Variants in ZNF613 observed in about 807,000 individuals in gnomAD.
ZNF613 encodes zinc finger protein 613.
In ZNF613, 8 loss-of-function variants were observed where a neutral mutation model predicts 14.3. The observed-to-expected ratio is 0.56, with a 90% CI of 0.33 to 1.01. ZNF613 has a LOEUF of 1.01. ZNF613 is among the 50% of genes least tolerant of loss of function. The pLI, the probability that ZNF613 is intolerant of heterozygous loss-of-function variation, is 0.03. For synonymous variants in ZNF613, 228 were observed against 254.5 expected (o/e 0.90, Z 0.99); for missense variants, 656 against 741.9 (o/e 0.88, Z 1.35).
In ZNF613 at chr19:51,945,953, A is replaced by G. The variant is rs971965322; in HGVS notation, c.*216A>G. ...TAGATCTTCTCATCAGTGACCATAG[A>G]TCACATCTTCAGTGAGCTTATAGTT... On this transcript the variant is annotated 3_prime_UTR_variant, in exon 6 of 6. Transcript: ENST00000293471. 8.8e-6 allele frequency: 5 copies of G among 570,830 alleles called. No homozygotes were observed. Among genetic ancestry groups the G allele is most frequent in the South Asian group, 2.0e-5 (1 of 48,860 alleles). 35.4% of individuals were successfully genotyped at this position (570,830 alleles called of 1,614,324 possible). A position where few individuals can be genotyped will look rare whatever the true frequency, so the allele number is the denominator to read the frequency against.
intron 3 of ZNF613, among the ~76,000 whole-genome samples, chr19:51,937,725 C>CTTTTT (rs557250619): frequency 2.9e-4 from 31 of 105,216 alleles, no homozygotes; most frequent in African/African-American, 4.0e-4. Flanking sequence ...TGTCTTTTTT[C>CTTTTT]TTTTTTTTTT....
chr19:51,930,633 G>A (rs897391755), intron 2 of ZNF613, among the ~76,000 whole-genome samples: 1 of 152,148 alleles, frequency 6.6e-6, no homozygotes, highest in African/African-American at 2.4e-5. Flanking sequence ...TTTTATGCCA[G>A]AATAGTATTT....
chr19:51,937,796 C>T (rs1415915461), intron 3 of ZNF613, among the ~76,000 whole-genome samples: 5 of 137,668 alleles, frequency 3.6e-5, no homozygotes, highest in Non-Finnish European at 7.6e-5. Flanking sequence ...GTAGTGCCAT[C>T]TTGGCCTACC....
chr19:51,936,557 TG>T (rs1164064308), intron 3 of ZNF613, among the ~76,000 whole-genome samples: 3 of 152,154 alleles, frequency 2.0e-5, no homozygotes, highest in Admixed American at 6.5e-5. Context: ...GGTGCAATCT[TG>T]GCTCACTGCA....
chr19:51,939,312 T>G (rs1033479920), intron 3 of ZNF613, among the ~76,000 whole-genome samples: 1 of 151,508 alleles, frequency 6.6e-6, no homozygotes, highest in African/African-American at 2.4e-5. Flanking sequence ...TTATTATTTA[T>G]TTATTTATTT....
In ZNF613 at chr19:51,944,925, G is replaced by C; in HGVS notation, c.1042G>C (p.Glu348Gln). The change falls in exon 6 of 6, where the codon GAA (glutamate) becomes CAA (glutamine). Residue 348 changes from glutamate (E) to glutamine (Q), a missense_variant. Coordinates refer to ENST00000293471, the MANE Select transcript of ZNF613 (RefSeq NM_001031721.4). ...AGGAGAGAAACCCTATGAATGCACT[G>C]AATGTGACAAAGCATTCCGCTGGAA... is the stretch of plus-strand genomic sequence containing the variant. ...HTGEKPYECT[E>Q]CDKAFRWKSQ... 1 of 1,613,918 alleles carries C rather than the reference G, an allele frequency of 6.2e-7. No individual in the cohort carries two copies. The highest frequency in any genetic ancestry group is 8.5e-7 in the Non-Finnish European group (1 of 1,180,008).
At chr19:51,941,092 G>C (rs1013289108) in intron 5 of ZNF613, among the ~76,000 whole-genome samples, 1 of 152,058 alleles carries the variant, frequency 6.6e-6, no homozygotes, top group Admixed American at 6.6e-5. Flanking sequence ...ACTACGCCCA[G>C]CTAATTTTTT....
Position 51,940,641 on chromosome 19 carries a change from C to G in ZNF613, c.167C>G (p.Ala56Gly), listed in dbSNP as rs76504285. Residue 56 changes from alanine to glycine, a missense_variant, in exon 5 of 6, where the codon GCA becomes GGA. By Grantham distance (60) the Ala-to-Gly change is moderately conservative. Coordinates refer to ENST00000293471, the MANE Select transcript of ZNF613 (RefSeq NM_001031721.4). ...GGGTATCAAGCCAGCAAACCAGATG[C>G]ACTCTTCAAGTTGGAACAAGGAGAG... ...SVGYQASKPD[A>G]LFKLEQGEPW... is the part of the protein sequence containing the mutation. 6.2e-7 allele frequency: 1 copy of G among 1,613,352 alleles called. No homozygotes were observed. Among genetic ancestry groups the G allele is most frequent in the Non-Finnish European group, 8.5e-7 (1 of 1,179,634 alleles).
At chr19:51,928,753 G>GT (rs2085238312) in intron 1 of ZNF613, among the ~76,000 whole-genome samples, 1 of 151,748 alleles carries the variant, frequency 6.6e-6, no homozygotes, top group Non-Finnish European at 1.5e-5. Context: ...TACTCGGGAG[G>GT]CTGAGGTGGG....
At chr19:51,933,000 A>G (rs371765956) in intron 2 of ZNF613, among the ~76,000 whole-genome samples, 1 of 152,274 alleles carries the variant, frequency 6.6e-6, no homozygotes, top group East Asian at 1.9e-4. Context: ...TTCACTTAGC[A>G]TAATGTTTTT....
chr19:51,932,876 A>T (rs749051113), intron 2 of ZNF613, among the ~76,000 whole-genome samples: 1 of 151,898 alleles, frequency 6.6e-6, no homozygotes, highest in East Asian at 1.9e-4. Flanking sequence ...GGGTTTCCTC[A>T]TGTTGCCCTG....
At chr19:51,934,756 C>T (rs1354449447) in intron 2 of ZNF613, among the ~76,000 whole-genome samples, 1 of 152,128 alleles carries the variant, frequency 6.6e-6, no homozygotes, top group African/African-American at 2.4e-5. Flanking sequence ...AGAAGCTCTT[C>T]AGCTATTCCT....
chr19:51,929,119 G>T (rs1288307015), intron 1 of ZNF613, among the ~76,000 whole-genome samples: 1 of 152,122 alleles, frequency 6.6e-6, no homozygotes, highest in Non-Finnish European at 1.5e-5. Flanking sequence ...TTTTCACAAT[G>T]CAGATAAGCT....
At chr19:51,943,367 G>T (rs192104582) in intron 5 of ZNF613, among the ~76,000 whole-genome samples, 10 of 152,310 alleles carry the variant, frequency 6.6e-5, no homozygotes, top group African/African-American at 1.9e-4. Context: ...ATTCCAAGGA[G>T]CATGAAATCT....
intron 5 of ZNF613, 35 bp downstream of exon 5, chr19:51,940,744 C>A: frequency 6.4e-7 from 1 of 1,565,124 alleles, no homozygotes; most frequent in South Asian, 1.2e-5. Context: ...AGGAGGGTGG[C>A]TGAGCAAGTC....
At chr19:51,943,786 A>AGGT (rs2085369291) in intron 5 of ZNF613, among the ~76,000 whole-genome samples, 1 of 149,368 alleles carries the variant, frequency 6.7e-6, no homozygotes, top group Non-Finnish European at 1.5e-5. Flanking sequence ...TTTATAAAAG[A>AGGT]CATAAGGAAT....
rs1473918979 is a variant in ZNF613, at chr19:51,936,009, A to T, written c.-193-19A>T. ...CTGGGCCTGCAGGGAATGTACACTC[A>T]AATCAATTTACTCTTCAGCCCACAG... On this transcript the variant is annotated intron_variant, in intron 2 of 5. Transcript: ENST00000293471. 2.2e-6 allele frequency: 1 copy of T among 447,586 alleles called. No individual in the cohort carries two copies. The highest frequency in any genetic ancestry group is 4.0e-5 in the Admixed American group (1 of 24,954). The allele number at this position is 447,586 out of a possible 1,614,324, so 27.7% of individuals were successfully genotyped here. A position where few individuals can be genotyped will look rare whatever the true frequency, so the allele number is the denominator to read the frequency against.
chr19:51,940,292 C>T lies in ZNF613; in HGVS notation c.99C>T (p.Tyr33=), dbSNP rs113806844. ...QLLGPAQKDL[Y]RDVMLENYSN... is the part of the protein sequence containing the mutation. ...TCGGCCCTGCTCAGAAGGACCTGTA[C>T]CGAGACGTGATGTTGGAGAACTATA... Residue 33 remains tyrosine (Y), a synonymous_variant, in exon 4 of 6, where the codon TAC becomes TAT. Transcript: ENST00000293471. 1 of 1,613,590 alleles carries T rather than the reference C, an allele frequency of 6.2e-7. No homozygotes were observed. Among genetic ancestry groups the T allele is most frequent in the Non-Finnish European group, 8.5e-7 (1 of 1,179,808 alleles).
rs370731074 is a variant in ZNF613 at position 51,945,008 on chromosome 19, T to G, written c.1125T>G (p.Arg375=). The G allele has an allele frequency of 2.4e-5, 39 of 1,614,166 alleles. No homozygotes were observed. The highest frequency in any genetic ancestry group is 1.5e-4 in the African/African-American group (11 of 75,032). ...AHTGEKSYIC[R]DCGKGFIQKG... Reference sequence around the variant, plus strand: ...CAGGAGAGAAGTCATATATATGCCGTGATTGTGGAAAAGGCTTCATTCAGA... The same window carrying G: ...CAGGAGAGAAGTCATATATATGCCGGGATTGTGGAAAAGGCTTCATTCAGA... The change falls in exon 6 of 6, where the codon CGT becomes CGG. Residue 375 remains arginine, a synonymous_variant. Coordinates refer to ENST00000293471, the MANE Select transcript of ZNF613 (RefSeq NM_001031721.4).
Sources: gnomAD v4.1 joint callset for allele counts (sites outside exome capture counted in the v4.1 genomes callset) on GRCh38, gnomAD v4.1.1 for gene constraint, MANE v1.5 for transcripts, NCBI Gene and HGNC (gene_info 2026-07-23, HGNC 2026-07-21) for gene names.